The following CSMD1 variants were observed in gnomAD, a reference collection of about 807,000 sequenced individuals.
CSMD1 encodes CUB and sushi domain-containing protein 1.
A neutral mutation model predicts 417.5 loss-of-function variants in CSMD1; 213 were observed. That is an observed-to-expected ratio of 0.51 (90% confidence interval 0.46 to 0.57). The LOEUF is 0.57. Ranked by LOEUF, CSMD1 falls within the 20% of genes least tolerant of loss-of-function variation. CSMD1 has a pLI of 0.00. For synonymous variants in CSMD1, 2,862 were observed against 1,736.8 expected, an observed-to-expected ratio of 1.65 and a Z score of -16.11; for missense variants, 6,923 against 4,529.7, an observed-to-expected ratio of 1.53 and a Z score of -15.17.
At chr8:4,356,538 G>C (rs1365847694) in intron 3 of CSMD1, among the ~76,000 whole-genome samples, 3 of 152,148 alleles carry the variant, frequency 2.0e-5, no homozygotes, top group Non-Finnish European at 4.4e-5. Context: ...AAGTCTTAGA[G>C]TATTTTAAAT....
intron 5 of CSMD1, among the ~76,000 whole-genome samples, chr8:3,881,757 A>G (rs1284565935): frequency 6.6e-6 from 1 of 152,172 alleles, no homozygotes; most frequent in Non-Finnish European, 1.5e-5. Flanking sequence ...CCAGAAATTA[A>G]TTACTTAAGA....
At chr8:3,449,118 T>C (rs963583327) in intron 12 of CSMD1, among the ~76,000 whole-genome samples, 4 of 152,204 alleles carry the variant, frequency 2.6e-5, no homozygotes, top group Non-Finnish European at 5.9e-5. Context: ...CAAAGCAACA[T>C]GCAAAGCACT....
intron 5 of CSMD1, among the ~76,000 whole-genome samples, chr8:3,792,045 C>T (rs961360781): frequency 6.6e-6 from 1 of 152,222 alleles, no homozygotes; most frequent in Non-Finnish European, 1.5e-5. Context: ...ACTTGGGCAA[C>T]CTCAAAGTTT....
At chr8:3,913,191 T>C (rs374848119) in intron 5 of CSMD1, among the ~76,000 whole-genome samples, 41 of 152,178 alleles carry the variant, frequency 2.7e-4, no homozygotes, top group African/African-American at 8.9e-4. Flanking sequence ...GAACCGAATA[T>C]ATTGGTTGGA....
chr8:4,641,221 T>G (rs997898745), intron 1 of CSMD1, among the ~76,000 whole-genome samples: 2 of 151,934 alleles, frequency 1.3e-5, no homozygotes, highest in African/African-American at 4.8e-5. Flanking sequence ...CAAACAAACT[T>G]CCAAGAGAAA....
intron 3 of CSMD1, among the ~76,000 whole-genome samples, chr8:4,344,776 T>A (rs1201145472): frequency 1.3e-5 from 2 of 152,120 alleles, no homozygotes; most frequent in Non-Finnish European, 2.9e-5. Context: ...GATAAAAACA[T>A]GTTTACCAGC....
At chr8:3,506,959 G>A (rs1796852487) in intron 10 of CSMD1, among the ~76,000 whole-genome samples, 1 of 152,068 alleles carries the variant, frequency 6.6e-6, no homozygotes, top group South Asian at 2.1e-4. Flanking sequence ...AACTAATTTA[G>A]GAAGTTTTGC....
intron 23 of CSMD1, among the ~76,000 whole-genome samples, chr8:3,329,194 G>A (rs993551314): frequency 6.6e-6 from 1 of 152,130 alleles, no homozygotes; most frequent in Non-Finnish European, 1.5e-5. Flanking sequence ...AAATGACCTT[G>A]TTTTAGGATA....
intron 1 of CSMD1, among the ~76,000 whole-genome samples, chr8:4,948,974 T>C (rs1036366995): frequency 6.6e-6 from 1 of 152,178 alleles, no homozygotes; most frequent in Admixed American, 6.5e-5. Context: ...GCTGATATAA[T>C]TTATCACTTT....
intron 14 of CSMD1, among the ~76,000 whole-genome samples, chr8:3,407,480 CATGGATGGATGAAATG>C (rs923539388): frequency 1.3e-5 from 2 of 150,150 alleles, no homozygotes; most frequent in African/African-American, 2.5e-5. Flanking sequence ...TGGATAGATG[CATGGATGGATGAAATG>C]ATGGATGGAT....
chr8:3,290,369 C>T (rs1434543361), intron 25 of CSMD1, among the ~76,000 whole-genome samples: 1 of 146,722 alleles, frequency 6.8e-6, no homozygotes, highest in Non-Finnish European at 1.5e-5. Context: ...TGAAGAAAGT[C>T]ATTGGTAACT....
At chr8:3,849,519 C>T (rs111650990) in intron 5 of CSMD1, among the ~76,000 whole-genome samples, 2 of 152,132 alleles carry the variant, frequency 1.3e-5, no homozygotes, top group South Asian at 2.1e-4. Flanking sequence ...AGTAGCTCGA[C>T]GGTTAGAATG....
intron 3 of CSMD1, among the ~76,000 whole-genome samples, chr8:4,409,651 T>C (rs919531807): frequency 6.0e-5 from 9 of 150,984 alleles, no homozygotes; most frequent in African/African-American, 1.2e-4. Context: ...TCTTTTTTTT[T>C]TTTTTTTTTT....
chr8:2,960,823 A>G (rs1045792100), intron 62 of CSMD1, among the ~76,000 whole-genome samples: 5 of 151,826 alleles, frequency 3.3e-5, no homozygotes, highest in Admixed American at 3.3e-4. Flanking sequence ...CTGCCGTGAG[A>G]ATTTAACAGA....
intron 52 of CSMD1, among the ~76,000 whole-genome samples, chr8:3,002,530 G>A (rs1024847793): frequency 2.0e-5 from 3 of 152,238 alleles, no homozygotes; most frequent in African/African-American, 7.2e-5. Context: ...ACCACTCCAA[G>A]AGGAGGGGAT....
intron 26 of CSMD1, among the ~76,000 whole-genome samples, chr8:3,270,936 T>C (rs1801802344): frequency 1.2e-5 from 1 of 81,546 alleles, no homozygotes; most frequent in African/African-American, 5.6e-5. Flanking sequence ...TTTTTATTTA[T>C]TATTATTATA....
intron 2 of CSMD1, among the ~76,000 whole-genome samples, chr8:4,608,393 A>C (rs1434509615): frequency 6.6e-6 from 1 of 152,196 alleles, no homozygotes; most frequent in African/African-American, 2.4e-5. Flanking sequence ...AGGGCTCGAC[A>C]AAAGGATGCT....
chr8:4,860,503 G>C (rs1013380689), intron 1 of CSMD1, among the ~76,000 whole-genome samples: 1 of 151,906 alleles, frequency 6.6e-6, no homozygotes, highest in African/African-American at 2.4e-5. Flanking sequence ...CTTTTACCAT[G>C]AGTAAAAGCT....
In CSMD1 at chr8:3,999,182, A is replaced by G. The variant is rs572648816; in HGVS notation, c.611-1072T>C. Reference sequence around the variant, plus strand: ...TTTCTTCTTTTTCTTTCTTTCCTCAAATACTTCCTATCCATAATATATATT... The same window carrying G: ...TTTCTTCTTTTTCTTTCTTTCCTCAGATACTTCCTATCCATAATATATATT... On this transcript the variant is annotated intron_variant, in intron 4 of 69. Transcript: ENST00000635120. 1.2e-4 allele frequency among the ~76,000 whole-genome samples: 18 copies of G among 151,632 alleles called. 1 individual carries two copies. The South Asian group carries it at 3.6e-3, about 30-fold the overall frequency.
Sources: allele counts gnomAD v4.1 joint callset (sites outside exome capture counted in the v4.1 genomes callset), GRCh38; gene constraint gnomAD v4.1.1; transcripts MANE v1.5; gene names NCBI Gene and HGNC (gene_info 2026-07-23, HGNC 2026-07-21).